Variants in SLC6A12 observed in about 807,000 individuals in gnomAD.
The protein encoded by SLC6A12 is sodium- and chloride-dependent betaine transporter.
In SLC6A12, 50 loss-of-function variants were observed where a neutral mutation model predicts 73.3. The observed-to-expected ratio is 0.68, with a 90% confidence interval of 0.54 to 0.86. The LOEUF (loss-of-function observed/expected upper bound fraction) is 0.86, where lower values mean the gene tolerates loss of function less well. SLC6A12 is among the 40% of genes least tolerant of loss of function. The pLI is 0.00. For missense variants in SLC6A12, 648 were observed against 772.8 expected, an observed-to-expected ratio of 0.84 and a Z score of 1.92; for synonymous variants, 304 against 309.2, an observed-to-expected ratio of 0.98 and a Z score of 0.18.
At chr12:194,953 G>A (rs954859023) in intron 13 of SLC6A12, among the ~76,000 whole-genome samples, 5 of 152,176 alleles carry the variant, frequency 3.3e-5, no homozygotes, top group African/African-American at 7.2e-5. Context: ...CCTCCATATC[G>A]AGGACACTGT....
chr12:204,756 C>T (rs1463397573), intron 3 of SLC6A12, 58 bp from the exon 4 acceptor site: 4 of 1,588,064 alleles, frequency 2.5e-6, no homozygotes, highest in Non-Finnish European at 3.4e-6. Context: ...CAGCCTCCAT[C>T]CTTTCAGACC....
chr12:187,606 A>G (rs1591772481), downstream of SLC6A12, among the ~76,000 whole-genome samples: 13 of 14,504 alleles, frequency 9.0e-4, no homozygotes, highest in African/African-American at 1.5e-3. Context: ...AAAAAAAAAA[A>G]AAAAAAAAAA....
At chr12:202,004 A>T (rs1317266556) in intron 5 of SLC6A12, among the ~76,000 whole-genome samples, 155 bp from the exon 6 acceptor site, 2 of 152,216 alleles carry the variant, frequency 1.3e-5, no homozygotes, top group Non-Finnish European at 2.9e-5. Context: ...GGAGGCTCAT[A>T]GGGCCAGCTC....
At chr12:189,491 G>A (rs1456712431), downstream of SLC6A12, among the ~76,000 whole-genome samples, 1 of 152,212 alleles carries the variant, frequency 6.6e-6, no homozygotes. Flanking sequence ...TACCTGAGGT[G>A]GCATAGGCCT....
Position 191,126 on chromosome 12 carries a change from A to T in SLC6A12, c.1787T>A (p.Phe596Tyr). 1 of 1,354,330 alleles carries T rather than the reference A, an allele frequency of 7.4e-7. No individual in the cohort carries two copies. The highest frequency in any genetic ancestry group is 1.9e-4 in the Middle Eastern group (1 of 5,190). 83.9% of individuals were successfully genotyped at this position (1,354,330 alleles called of 1,614,324 possible). A position where few individuals can be genotyped will look rare whatever the true frequency, so the allele number is the denominator to read the frequency against. ...PCLDGSAGRN[F>Y]GPSPTREGLI... ...TCCTTCCCTTGTTGGGGAGGGCCCA[A>T]AGTTCCGGCCAGCACTGCCATCCAA... The change falls in exon 16 of 16, where the codon TTT (phenylalanine) becomes TAT (tyrosine). Residue 596 changes from phenylalanine (F) to tyrosine (Y), a missense_variant. Transcript: ENST00000684302.
chr12:209,034 C>T (rs1159285445), intron 3 of SLC6A12, among the ~76,000 whole-genome samples: 1 of 152,136 alleles, frequency 6.6e-6, no homozygotes, highest in Admixed American at 6.5e-5. Flanking sequence ...TCCCTGTGAC[C>T]TCTCTGCCCT....
At chr12:191,289 G>T in intron 15 of SLC6A12, 78 bp from the exon 16 acceptor site, 1 of 1,209,346 alleles carries the variant, frequency 8.3e-7, no homozygotes, top group Non-Finnish European at 1.0e-6. Flanking sequence ...CAACCCCAGG[G>T]CCCAGCCCAG....
rs370846505 is a variant in SLC6A12 at position 191,092 on chromosome 12, G to A, written c.1821C>T (p.Ala607=). Reference sequence around the variant, plus strand: ...CCTACAAATGGGTCTCCTTCTCCCCGGCTATCAGTCCTTCCCTTGTTGGGG... The same window carrying A: ...CCTACAAATGGGTCTCCTTCTCCCCAGCTATCAGTCCTTCCCTTGTTGGGG... ...GPSPTREGLI[A]GEKETHL The change falls in exon 16 of 16, where the codon GCC becomes GCT. Residue 607 remains alanine, a synonymous_variant. Transcript: ENST00000684302. The A allele has an allele frequency of 1.9e-5, 26 of 1,336,010 alleles. No individual in the cohort carries two copies. The highest frequency in any genetic ancestry group is 2.0e-4 in the Middle Eastern group (1 of 5,060). The allele number at this position is 1,336,010 out of a possible 1,614,324, so 82.8% of individuals were successfully genotyped here.
downstream of SLC6A12, among the ~76,000 whole-genome samples, chr12:187,975 G>A (rs1373923318): frequency 1.3e-5 from 2 of 152,166 alleles, no homozygotes; most frequent in Non-Finnish European, 2.9e-5. Context: ...ACAGAGTGCC[G>A]ATTGGTGTAT....
chr12:211,470 G>A (rs558659893), intron 2 of SLC6A12, among the ~76,000 whole-genome samples: 1 of 152,316 alleles, frequency 6.6e-6, no homozygotes, highest in South Asian at 2.1e-4. Flanking sequence ...GCCACCCAGT[G>A]GGAATCAGAG....
chr12:198,634 T>A lies in SLC6A12; in HGVS notation c.846+163A>T. On this transcript the variant is annotated intron_variant, in intron 8 of 15. Coordinates refer to ENST00000684302, the MANE Select transcript of SLC6A12 (RefSeq NM_001122848.3). This position sits in a 1 kb window ranked among gnomAD's most constrained non-coding sequence, Gnocchi z 4.0. The stretch of plus-strand genomic sequence containing the variant: ...TTGAGTGGTGGAATTACAAGAGATT[T>A]TTTTAGTTTCTTTTTTATAGCTTTC... 4.5e-6 allele frequency: 3 copies of A among 661,952 alleles called. No individual in the cohort carries two copies. The highest frequency in any genetic ancestry group is 7.4e-6 in the Non-Finnish European group (3 of 406,132). The allele number at this position is 661,952 out of a possible 1,614,324, so 41.0% of individuals were successfully genotyped here.
intron 10 of SLC6A12, among the ~76,000 whole-genome samples, chr12:197,104 T>C (rs56267756): frequency 0.17 from 13,954 of 79,938 alleles, 76 homozygotes; most frequent in East Asian, 0.26. Context: ...CATCCATCCA[T>C]CCATCCATCC....
chr12:202,918 G>A (rs1591796102), intron 4 of SLC6A12, 38 bp from the exon 5 acceptor site: 1 of 1,596,114 alleles, frequency 6.3e-7, no homozygotes, highest in Non-Finnish European at 8.6e-7. Flanking sequence ...GGACAAGAGA[G>A]ATCAATGTTA....
At chr12:208,322 C>T (rs751359682) in intron 3 of SLC6A12, among the ~76,000 whole-genome samples, 4 of 152,150 alleles carry the variant, frequency 2.6e-5, no homozygotes, top group African/African-American at 7.2e-5. Flanking sequence ...GAAAGCCTAC[C>T]GCTATTTCTT....
In SLC6A12 at chr12:196,181, G is replaced by A. The variant is rs1340373374; in HGVS notation, c.1269C>T (p.Leu423=). Residue 423 remains leucine, a synonymous_variant, in exon 12 of 16, where the codon CTC becomes CTT. Transcript: ENST00000684302. ...RQLRKSGRRE[L]LILTIAVMCY... is the part of the protein sequence containing the mutation. ...ACATGACGGCGATGGTGAGGATGAG[G>A]AGCTCGCGCCGCCCGCTCTTCCGGA... is the stretch of plus-strand genomic sequence containing the variant. 2 of 1,580,806 alleles carry A rather than the reference G, an allele frequency of 1.3e-6. No homozygotes were observed. The highest frequency in any genetic ancestry group is 2.3e-5 in the East Asian group (1 of 43,904).
At chr12:188,765 AGT>A (rs1458790688), downstream of SLC6A12, among the ~76,000 whole-genome samples, 1 of 151,372 alleles carries the variant, frequency 6.6e-6, no homozygotes, top group African/African-American at 2.4e-5. Flanking sequence ...CAGGCTGGAG[AGT>A]GAAACAGTTG....
chr12:196,931 C>T, intron 10 of SLC6A12, 49 bp from the exon 11 acceptor site: 1 of 1,372,462 alleles, frequency 7.3e-7, no homozygotes, highest in Non-Finnish European at 1.0e-6. Context: ...GTGTGCTGCC[C>T]TTGGGGAAGA....
intron 9 of SLC6A12, among the ~76,000 whole-genome samples, 164 bp from the exon 10 acceptor site, chr12:197,665 G>A (rs1205831207): frequency 6.6e-6 from 1 of 151,944 alleles, no homozygotes; most frequent in African/African-American, 2.4e-5. Flanking sequence ...AGAGAGCATG[G>A]GAAGAAGACA....
downstream of SLC6A12, among the ~76,000 whole-genome samples, chr12:188,723 GCA>G (rs141079321): frequency 6.6e-5 from 10 of 151,610 alleles, no homozygotes; most frequent in African/African-American, 1.7e-4. Flanking sequence ...GCACACACAG[GCA>G]CACACACACA....
Sources: allele counts gnomAD v4.1 joint callset (sites outside exome capture counted in the v4.1 genomes callset), GRCh38; gene constraint gnomAD v4.1.1; non-coding constraint Gnocchi (gnomAD v3.1); transcripts MANE v1.5; gene names NCBI Gene and HGNC (gene_info 2026-07-23, HGNC 2026-07-21).